Variants in PIEZO2 observed in about 807,000 individuals in gnomAD.
PIEZO2 encodes piezo-type mechanosensitive ion channel component 2.
Under a neutral mutation model 337.3 loss-of-function variants are expected in PIEZO2, and 172 were observed. The ratio of observed to expected loss-of-function variants is 0.51; its 90% CI spans 0.45 to 0.58. The LOEUF is 0.58. PIEZO2 is among the 20% of genes least tolerant of loss of function. The probability of loss-of-function intolerance (pLI) is 0.00; values close to 1 mark genes in which losing one functional copy is unlikely to be tolerated. For synonymous variants in PIEZO2, 1,251 were observed against 1,228.5 expected, an observed-to-expected ratio of 1.02 and a Z score of -0.38; for missense variants, 3,028 against 3,391.3, an observed-to-expected ratio of 0.89 and a Z score of 2.66.
At chr18:10,873,830 A>G (rs1259973246) in intron 4 of PIEZO2, among the ~76,000 whole-genome samples, 1 of 152,218 alleles carries the variant, frequency 6.6e-6, no homozygotes, top group Non-Finnish European at 1.5e-5. Context: ...TGCTAGAAGA[A>G]AACTATAAAA....
intron 2 of PIEZO2, among the ~76,000 whole-genome samples, chr18:11,011,125 A>G (rs2660273): frequency 6.6e-6 from 1 of 151,996 alleles, no homozygotes; most frequent in South Asian, 2.1e-4. Flanking sequence ...AGCCTCCTAA[A>G]GACTGCAATG....
At chr18:11,135,186 A>G (rs911879370) in intron 1 of PIEZO2, among the ~76,000 whole-genome samples, 5 of 152,234 alleles carry the variant, frequency 3.3e-5, no homozygotes, top group African/African-American at 1.2e-4. Context: ...CAAGAGCCAA[A>G]ACAGAAACCT....
intron 4 of PIEZO2, chr18:10,893,752 C>G (rs891783860): frequency 6.6e-6 from 1 of 152,054 alleles, no homozygotes; most frequent in Non-Finnish European, 1.5e-5. Flanking sequence ...TTGGTGGGAC[C>G]GAATGTTCAG....
At position 10,862,358 on chromosome 18, in the gene PIEZO2, C is replaced by T. The variant is rs1447805007; in HGVS notation, c.493-5147G>A. ...TAGGTGCTATGGAATCAACTTTACA[C>T]AAGGCCAGCCTGTTCTCTGTTAGGG... On this transcript the variant is annotated intron_variant, in intron 5 of 55. Coordinates refer to ENST00000674853, the MANE Select transcript of PIEZO2 (RefSeq NM_001378183.1). This position sits in a 1 kb window ranked among gnomAD's most constrained non-coding sequence, Gnocchi z 4.4. Among the ~76,000 whole-genome samples, 1 of 152,178 alleles carries T rather than the reference C, an allele frequency of 6.6e-6. No individual in the cohort carries two copies. Among genetic ancestry groups the T allele is most frequent in the East Asian group, 1.9e-4 (1 of 5,184 alleles).
At chr18:10,967,016 TTG>T (rs1491082653) in intron 3 of PIEZO2, among the ~76,000 whole-genome samples, 1,784 of 143,106 alleles carry the variant, frequency 0.012, 124 homozygotes, top group African/African-American at 0.047. Flanking sequence ...TCTCTGTTTT[TTG>T]TTTTTTTTTT....
intron 1 of PIEZO2, among the ~76,000 whole-genome samples, chr18:11,135,494 A>G (rs538139010): frequency 2.6e-4 from 40 of 152,228 alleles, no homozygotes; most frequent in Non-Finnish European, 4.9e-4. Context: ...AAAATGCATT[A>G]TATGCATATT....
intron 4 of PIEZO2, among the ~76,000 whole-genome samples, chr18:10,883,837 G>C (rs1243286258): frequency 4.4e-5 from 1 of 22,744 alleles, no homozygotes; most frequent in Non-Finnish European, 8.1e-5. Context: ...TTGAGACAGA[G>C]TCTCAATCTG....
intron 1 of PIEZO2, among the ~76,000 whole-genome samples, chr18:11,121,971 TG>T (rs1218782054): frequency 6.6e-6 from 1 of 152,140 alleles, no homozygotes; most frequent in African/African-American, 2.4e-5. Context: ...TCTTTTTTTT[TG>T]AGATGGAGTC....
Position 10,763,026 on chromosome 18 carries a change from C to T in PIEZO2, c.3019G>A (p.Ala1007Thr), listed in dbSNP as rs536168003. Residue 1007 changes from alanine (A) to threonine (T), a missense_variant, in exon 22 of 56, where the codon GCT (alanine) becomes ACT (threonine). By Grantham distance (58) the Ala-to-Thr change is moderately conservative (BLOSUM62 0). This residue lies in a region of PIEZO2 where 1,925 missense variants were observed against 2,051.9 expected (regional missense o/e 0.94). Coordinates refer to ENST00000674853, the MANE Select transcript of PIEZO2 (RefSeq NM_001378183.1). ...GTCCAGACTGTGCAGACACTTGAAGCCAGACGGCGCAGCTTGGCGTACGGC... is the reference window on the plus strand; with the variant it reads ...GTCCAGACTGTGCAGACACTTGAAGTCAGACGGCGCAGCTTGGCGTACGGC... ...ALPYAKLRRLASSVCTVWTCV... is the reference protein window; with the variant it reads ...ALPYAKLRRLTSSVCTVWTCV... 9.1e-6 allele frequency: 14 copies of T among 1,537,322 alleles called. No individual in the cohort carries two copies. The South Asian group carries it at 1.7e-4, about 18-fold the overall frequency.
chr18:11,046,143 C>T (rs2037306559), intron 2 of PIEZO2, among the ~76,000 whole-genome samples: 1 of 152,178 alleles, frequency 6.6e-6, no homozygotes, highest in Admixed American at 6.5e-5. Context: ...CCAGCCCATC[C>T]CAGCTTTCAG....
At chr18:11,039,927 C>T (rs7234347) in intron 2 of PIEZO2, among the ~76,000 whole-genome samples, 31,256 of 152,034 alleles carry the variant, frequency 0.21, 3,718 homozygotes, top group African/African-American at 0.32. Flanking sequence ...CTCCAACCCT[C>T]CCCACCCCGT....
chr18:11,086,639 C>G (rs761893452), intron 1 of PIEZO2, among the ~76,000 whole-genome samples: 16 of 152,028 alleles, frequency 1.1e-4, no homozygotes, highest in Non-Finnish European at 2.4e-4. Flanking sequence ...ACAAATCTGT[C>G]AGGACTTATT....
chr18:10,842,170 T>C (rs1305819970), intron 7 of PIEZO2, among the ~76,000 whole-genome samples: 1 of 150,338 alleles, frequency 6.7e-6, no homozygotes, highest in African/African-American at 2.4e-5. Context: ...AAAAAAAAGT[T>C]GGTGTGCATT....
chr18:10,707,582 A>G lies in PIEZO2; in HGVS notation c.5588+693T>C, dbSNP rs756290700. Among the ~76,000 whole-genome samples the G allele has an allele frequency of 1.3e-5, 2 of 152,202 alleles. No homozygotes were observed. The highest frequency in any genetic ancestry group is 2.9e-5 in the Non-Finnish European group (2 of 68,026). ...CTTCATTGTGCCCCCTCACCATCCT[A>G]AGGCAATTCAAAAAGAGTTTTCGGG... On this transcript the variant is annotated intron_variant, in intron 40 of 55. Coordinates refer to ENST00000674853, the MANE Select transcript of PIEZO2 (RefSeq NM_001378183.1). This position sits in a 1 kb window ranked among gnomAD's most constrained non-coding sequence, Gnocchi z 4.2.
rs566116162 is a variant in PIEZO2, at chr18:10,879,685, G to A, written c.330-8270C>T. 1.5e-4 allele frequency among the ~76,000 whole-genome samples: 23 copies of A among 152,178 alleles called. No homozygotes were observed. In the East Asian group the frequency reaches 1.9e-3, roughly 13 times the overall value. ...GCTGGGATTACAGGCGTGAGCCACC[G>A]TGCCCAGCCTCCAATCTTGTTAGAG... On this transcript the variant is annotated intron_variant, in intron 4 of 55. Transcript: ENST00000674853.
chr18:11,079,754 G>C (rs112711155), intron 1 of PIEZO2, among the ~76,000 whole-genome samples: 7 of 152,162 alleles, frequency 4.6e-5, no homozygotes, highest in East Asian at 1.9e-4. Flanking sequence ...TGTTTGTCTC[G>C]TCTCTCATAA....
At position 10,783,399 on chromosome 18, in the gene PIEZO2, A is replaced by G. The variant is rs963991074; in HGVS notation, c.2492+1385T>C. Among the ~76,000 whole-genome samples the G allele has an allele frequency of 6.6e-6, 1 of 152,228 alleles. No individual in the cohort carries two copies. The highest frequency in any genetic ancestry group is 1.5e-5 in the Non-Finnish European group (1 of 68,042). On this transcript the variant is annotated intron_variant, in intron 17 of 55. Transcript: ENST00000674853. The surrounding 1 kb of genome is among the most constrained non-coding windows in gnomAD (Gnocchi z 4.3). Reference sequence around the variant, plus strand: ...AAAATCCTTTTTCTGATTATTGACAATTCTCACTTTTATGTGCAGGCATTC... The same window carrying G: ...AAAATCCTTTTTCTGATTATTGACAGTTCTCACTTTTATGTGCAGGCATTC...
At chr18:10,756,874 T>C (rs982463191) in intron 27 of PIEZO2, among the ~76,000 whole-genome samples, 7 of 113,640 alleles carry the variant, frequency 6.2e-5, no homozygotes, top group African/African-American at 2.8e-4. Context: ...GGGATGGAGA[T>C]GAGGAGGAAG....
chr18:10,693,534 A>ATTT (rs57545072), intron 47 of PIEZO2, among the ~76,000 whole-genome samples: 57 of 146,540 alleles, frequency 3.9e-4, no homozygotes, highest in Non-Finnish European at 4.2e-4. Flanking sequence ...CACATAAGGC[A>ATTT]TTTTTTTTTT....
Sources: allele counts gnomAD v4.1 joint callset (sites outside exome capture counted in the v4.1 genomes callset), GRCh38; gene constraint gnomAD v4.1.1; regional missense constraint gnomAD v4.1.1; non-coding constraint Gnocchi (gnomAD v3.1); transcripts MANE v1.5; gene names NCBI Gene and HGNC (gene_info 2026-07-23, HGNC 2026-07-21).